Variants in DOCK10 observed in about 807,000 individuals in gnomAD.
DOCK10 encodes the protein dedicator of cytokinesis protein 10.
DOCK10 carries 145 observed loss-of-function variants against 280.1 expected under a neutral mutation model. The observed-to-expected ratio is 0.52, with a 90% CI of 0.45 to 0.59. The LOEUF (loss-of-function observed/expected upper bound fraction) is 0.59, where lower values mean the gene tolerates loss of function less well. Ranked by LOEUF, DOCK10 falls within the 20% of genes least tolerant of loss-of-function variation. DOCK10 has a pLI of 0.00. For synonymous variants in DOCK10, 915 were observed against 942.2 expected, an observed-to-expected ratio of 0.97 and a Z score of 0.53; for missense variants, 2,368 against 2,651.7, an observed-to-expected ratio of 0.89 and a Z score of 2.35.
intron 2 of DOCK10, among the ~76,000 whole-genome samples, chr2:224,930,557 C>T (rs1444088013): frequency 7.1e-6 from 1 of 141,818 alleles, no homozygotes; most frequent in Non-Finnish European, 1.6e-5. Context: ...TTTCATGAAT[C>T]CATGGAGGAA....
intron 47 of DOCK10, among the ~76,000 whole-genome samples, chr2:224,790,561 T>C (rs1692108367): frequency 2.0e-5 from 3 of 152,200 alleles, no homozygotes; most frequent in Admixed American, 2.0e-4. Context: ...TCCCCAAACA[T>C]GCTAGAAATT....
At chr2:224,838,409 G>A (rs1269240158) in intron 24 of DOCK10, among the ~76,000 whole-genome samples, 2 of 152,132 alleles carry the variant, frequency 1.3e-5, no homozygotes, top group African/African-American at 4.8e-5. Context: ...ACTACCAGCT[G>A]CTCCATGGCT....
intron 26 of DOCK10, among the ~76,000 whole-genome samples, chr2:224,833,062 G>A (rs1415152872): frequency 6.6e-6 from 1 of 152,106 alleles, no homozygotes; most frequent in Non-Finnish European, 1.5e-5. Context: ...TAACTGAGCA[G>A]TGACTCTCCC....
chr2:224,917,133 T>C (rs1005416821), intron 2 of DOCK10, among the ~76,000 whole-genome samples: 2 of 113,724 alleles, frequency 1.8e-5, no homozygotes, highest in Non-Finnish European at 3.5e-5. Flanking sequence ...TGAGACGGAG[T>C]CTTGCTCTGT....
intron 4 of DOCK10, among the ~76,000 whole-genome samples, chr2:224,889,371 T>C (rs1022074389): frequency 1.3e-5 from 2 of 152,210 alleles, no homozygotes; most frequent in African/African-American, 4.8e-5. Flanking sequence ...TGTTAAACTA[T>C]GAAAAGCCTG....
At chr2:225,027,309 A>G (rs760669219) in intron 1 of DOCK10, among the ~76,000 whole-genome samples, 5 of 152,202 alleles carry the variant, frequency 3.3e-5, no homozygotes, top group Non-Finnish European at 5.9e-5. Flanking sequence ...GCCCAGGCAC[A>G]GGAGCACAGA....
At chr2:224,876,257 C>A in intron 7 of DOCK10, 36 bp from the exon 8 acceptor site, 1 of 1,523,948 alleles carries the variant, frequency 6.6e-7, no homozygotes, top group Non-Finnish European at 8.9e-7. Context: ...AAAGAGAATA[C>A]CAAAAAATAA....
intron 4 of DOCK10, among the ~76,000 whole-genome samples, chr2:224,891,856 T>C (rs576932955): frequency 4.4e-4 from 67 of 152,334 alleles, no homozygotes; most frequent in African/African-American, 1.5e-3. Flanking sequence ...TTTTCTTAAT[T>C]CTGAGTTTGC....
chr2:224,784,737 C>T, intron 50 of DOCK10: 1 of 1,289,808 alleles, frequency 7.8e-7, no homozygotes. Flanking sequence ...GAGAACTTAC[C>T]ACAGCCTGGA....
intron 1 of DOCK10, among the ~76,000 whole-genome samples, chr2:225,033,155 C>A (rs1013877465): frequency 6.6e-6 from 1 of 151,428 alleles, no homozygotes; most frequent in Non-Finnish European, 1.5e-5. Flanking sequence ...TTTAAGTTGC[C>A]CAAAATAAAG....
At chr2:224,787,624 C>G (rs1450217882) in intron 48 of DOCK10, among the ~76,000 whole-genome samples, 1 of 152,210 alleles carries the variant, frequency 6.6e-6, no homozygotes, top group Non-Finnish European at 1.5e-5. Context: ...GCCTTCAGAT[C>G]TGTCTCCTTC....
intron 1 of DOCK10, among the ~76,000 whole-genome samples, chr2:225,016,611 A>G (rs181207707): frequency 0.034 from 2,860 of 83,210 alleles, 158 homozygotes; most frequent in Middle Eastern, 0.079. Flanking sequence ...ATAGATACAT[A>G]TATCTATGTG....
At chr2:224,888,822 A>ATG (rs58055129) in intron 4 of DOCK10, among the ~76,000 whole-genome samples, 35,378 of 150,942 alleles carry the variant, frequency 0.23, 5,682 homozygotes, top group African/African-American at 0.47. Flanking sequence ...GTGTGTATGT[A>ATG]TGTGTGTGAA....
chr2:225,037,739 C>T (rs910729406), intron 1 of DOCK10, among the ~76,000 whole-genome samples: 1 of 152,168 alleles, frequency 6.6e-6, no homozygotes, highest in African/African-American at 2.4e-5. Flanking sequence ...TTCATTATTG[C>T]TTTCTTTTTC....
intron 8 of DOCK10, among the ~76,000 whole-genome samples, chr2:224,875,446 T>C (rs572000153): frequency 1.8e-4 from 28 of 152,326 alleles, no homozygotes; most frequent in South Asian, 1.0e-3. Context: ...ACAGACTTGC[T>C]TTTCTAACCT....
At position 224,765,682 on chromosome 2, in the gene DOCK10, G is replaced by A; in HGVS notation, c.*39C>T. ...TTCCCCGAGATTAGCTGCAAATTCAGAAAGTTCTCTTAGAGGTGGGTCTGA... is the reference window on the plus strand; with the variant it reads ...TTCCCCGAGATTAGCTGCAAATTCAAAAAGTTCTCTTAGAGGTGGGTCTGA... On this transcript the variant is annotated 3_prime_UTR_variant, in exon 56 of 56. Coordinates refer to ENST00000258390, the MANE Select transcript of DOCK10 (RefSeq NM_014689.3). The A allele has an allele frequency of 7.2e-7, 1 of 1,389,562 alleles. No individual in the cohort carries two copies. The highest frequency in any genetic ancestry group is 1.0e-6 in the Non-Finnish European group (1 of 991,998). The allele number at this position is 1,389,562 out of a possible 1,614,324, so 86.1% of individuals were successfully genotyped here. A position where few individuals can be genotyped will look rare whatever the true frequency, so the allele number is the denominator to read the frequency against.
At chr2:224,850,407 G>A (rs1205553273) in intron 18 of DOCK10, among the ~76,000 whole-genome samples, 1 of 152,050 alleles carries the variant, frequency 6.6e-6, no homozygotes, top group Non-Finnish European at 1.5e-5. Context: ...ATCCCTGAGT[G>A]AAAATAAAAG....
chr2:224,820,012 T>C (rs187715754), intron 28 of DOCK10, among the ~76,000 whole-genome samples: 163 of 152,312 alleles, frequency 1.1e-3, no homozygotes, highest in African/African-American at 3.8e-3. Flanking sequence ...ATAATTCCAT[T>C]TCACACTTAT....
At chr2:224,985,145 A>G (rs1459817892) in intron 1 of DOCK10, among the ~76,000 whole-genome samples, 1 of 152,188 alleles carries the variant, frequency 6.6e-6, no homozygotes, top group East Asian at 1.9e-4. Context: ...TTACTAATAA[A>G]TGACCTTTGG....
Sources: allele counts gnomAD v4.1 joint callset (sites outside exome capture counted in the v4.1 genomes callset), GRCh38; gene constraint gnomAD v4.1.1; transcripts MANE v1.5; gene names NCBI Gene and HGNC (gene_info 2026-07-23, HGNC 2026-07-21).